The following NCOA6 variants were observed in gnomAD, a reference collection of about 807,000 sequenced individuals.
NCOA6 encodes the protein NRC RAP250.
A neutral mutation model predicts 171.4 loss-of-function variants in NCOA6; 49 were observed. The ratio of observed to expected loss-of-function variants is 0.29; its 90% confidence interval spans 0.23 to 0.36. The LOEUF (loss-of-function observed/expected upper bound fraction) is 0.36. Ranked by LOEUF, NCOA6 falls within the 10% of genes least tolerant of loss-of-function variation. The probability of loss-of-function intolerance (pLI) is 1.00; values close to 1 mark genes in which losing one functional copy is unlikely to be tolerated. For synonymous variants in NCOA6, 910 were observed against 927.5 expected, an observed-to-expected ratio of 0.98 and a Z score of 0.34; for missense variants, 2,248 against 2,554.5, an observed-to-expected ratio of 0.88 and a Z score of 2.59.
intron 12 of NCOA6, among the ~76,000 whole-genome samples, chr20:34,735,769 C>T (rs2075936270): frequency 1.3e-5 from 2 of 152,206 alleles, no homozygotes; most frequent in South Asian, 4.1e-4. Flanking sequence ...ATCAGTCACA[C>T]AGGATGTAGC....
At chr20:34,788,214 C>T (rs1253382316) in intron 2 of NCOA6, among the ~76,000 whole-genome samples, 1 of 151,820 alleles carries the variant, frequency 6.6e-6, no homozygotes, top group Non-Finnish European at 1.5e-5. Flanking sequence ...AGCTCTGTCT[C>T]GCCCAGGCTG....
At chr20:34,727,789 T>TCTCAGCTCACTGCGACCCCTGC (rs1690100459) in intron 13 of NCOA6, among the ~76,000 whole-genome samples, 3 of 151,134 alleles carry the variant, frequency 2.0e-5, no homozygotes. Context: ...AGTGGCGCTG[T>TCTCAGCTCACTGCGACCCCTGC]CTCAGCTCAC....
chr20:34,814,212 G>A (rs2078759827), intron 1 of NCOA6, among the ~76,000 whole-genome samples: 1 of 152,018 alleles, frequency 6.6e-6, no homozygotes, highest in African/African-American at 2.4e-5. Context: ...GGTGGCGCAT[G>A]CCTGTAATCC....
chr20:34,757,788 C>T lies in NCOA6; in HGVS notation c.960G>A (p.Gln320=), dbSNP rs1351714302. 2.5e-6 allele frequency: 4 copies of T among 1,614,048 alleles called. No homozygotes were observed. Among genetic ancestry groups the T allele is most frequent in the Middle Eastern group, 1.6e-4 (1 of 6,078 alleles). ...GAGGTTGAAGGGCTCCAGAAGGCAG[C>T]TGGTTCCAGCCTGGAGGAACAGGCA... The part of the protein sequence containing the change: ...TQVPVPPGWN[Q]LPSGALQPPP... The change falls in exon 7 of 15, where the codon CAG becomes CAA. Residue 320 remains glutamine (Q), a synonymous_variant. Transcript: ENST00000359003.
chr20:34,743,456 C>G, intron 10 of NCOA6, 115 bp from the exon 11 acceptor site: 1 of 1,096,058 alleles, frequency 9.1e-7, no homozygotes. Context: ...GCACAAACAG[C>G]TCAGGCATGC....
At position 34,750,522 on chromosome 20, in the gene NCOA6, TA is replaced by T. The variant is rs560155280; in HGVS notation, c.1676-4del. On this transcript the variant is annotated splice_polypyrimidine_tract_variant and splice_region_variant and intron_variant, in intron 8 of 14. Coordinates refer to ENST00000359003, the MANE Select transcript of NCOA6 (RefSeq NM_014071.5). ...AGGAGGACCAGCTCCTTGACCACCT[TA>T]AAAAAAAAAAAAGTCACAGTTTCAG... 0.086 allele frequency: 90,664 copies of T among 1,048,934 alleles called. 3 individuals are homozygous for T. Among genetic ancestry groups the T allele is most frequent in the South Asian group, 0.14 (7,971 of 57,840 alleles). 65.0% of individuals were successfully genotyped at this position (1,048,934 alleles called of 1,614,324 possible). A position where few individuals can be genotyped will look rare whatever the true frequency, so the allele number is the denominator to read the frequency against.
chr20:34,719,012 T>G (rs1317483442), intron 14 of NCOA6, among the ~76,000 whole-genome samples: 1 of 152,218 alleles, frequency 6.6e-6, no homozygotes, highest in Non-Finnish European at 1.5e-5. Flanking sequence ...TCTAGCAGTG[T>G]AGTCAAATCA....
intron 1 of NCOA6, among the ~76,000 whole-genome samples, chr20:34,804,804 G>A (rs1449786762): frequency 1.3e-5 from 2 of 152,014 alleles, no homozygotes; most frequent in East Asian, 3.9e-4. Flanking sequence ...TAATTAATTA[G>A]CACATCCATC....
chr20:34,748,952 G>T (rs1472273533), intron 9 of NCOA6, among the ~76,000 whole-genome samples: 4 of 152,046 alleles, frequency 2.6e-5, no homozygotes, highest in Non-Finnish European at 1.5e-5. Flanking sequence ...TACTTTTCAG[G>T]CTCTGATTGC....
chr20:34,817,244 C>T (rs1430205636), intron 1 of NCOA6, among the ~76,000 whole-genome samples: 1 of 150,894 alleles, frequency 6.6e-6, no homozygotes, highest in Non-Finnish European at 1.5e-5. Context: ...CTTTTGTTGC[C>T]TTTGTGTGTG....
intron 11 of NCOA6, among the ~76,000 whole-genome samples, chr20:34,739,278 G>C (rs374314135): frequency 3.9e-5 from 6 of 152,178 alleles, no homozygotes; most frequent in Admixed American, 1.3e-4. Flanking sequence ...TCTGTGCTAA[G>C]AATGTTATAT....
intron 14 of NCOA6, among the ~76,000 whole-genome samples, chr20:34,719,247 G>C (rs1313794099): frequency 6.6e-6 from 1 of 152,136 alleles, no homozygotes; most frequent in African/African-American, 2.4e-5. Flanking sequence ...TACCATCCAA[G>C]GAGCTTTAGA....
chr20:34,817,512 C>G (rs1302964438), intron 1 of NCOA6, among the ~76,000 whole-genome samples: 1 of 152,068 alleles, frequency 6.6e-6, no homozygotes, highest in Non-Finnish European at 1.5e-5. Flanking sequence ...TTCCTCCTTC[C>G]ATCAAAGCCA....
At chr20:34,773,713 G>A (rs1410207089) in intron 4 of NCOA6, among the ~76,000 whole-genome samples, 4 of 152,116 alleles carry the variant, frequency 2.6e-5, no homozygotes, top group African/African-American at 7.2e-5. Flanking sequence ...TAGTAGAGAC[G>A]GGGTTTCACC....
chr20:34,741,717 C>T lies in NCOA6; in HGVS notation c.4539G>A (p.Leu1513=). 2.5e-6 allele frequency: 4 copies of T among 1,614,158 alleles called. No homozygotes were observed. Among genetic ancestry groups the T allele is most frequent in the Admixed American group, 3.3e-5 (2 of 60,018 alleles). The change falls in exon 11 of 15, where the codon CTG becomes CTA. Residue 1513 remains leucine, a synonymous_variant. Transcript: ENST00000359003. ...VTIKPPGLTD[L]EVTPPVVSGE... is the part of the protein sequence containing the mutation. Reference sequence around the variant, plus strand: ...CAGAAACTACTGGAGGTGTTACTTCCAGATCTGTAAGCCCAGGGGGTTTAA... The same window carrying T: ...CAGAAACTACTGGAGGTGTTACTTCTAGATCTGTAAGCCCAGGGGGTTTAA...
chr20:34,758,966 A>C, intron 5 of NCOA6, 33 bp from the exon 6 acceptor site: 2 of 1,600,302 alleles, frequency 1.2e-6, no homozygotes, highest in Non-Finnish European at 1.7e-6. Context: ...AGAGTACTGG[A>C]ATTGGCACAA....
chr20:34,763,500 TA>T (rs1294932963), intron 5 of NCOA6, among the ~76,000 whole-genome samples: 2 of 152,310 alleles, frequency 1.3e-5, no homozygotes, highest in Non-Finnish European at 2.9e-5. Context: ...TCCTATTACC[TA>T]AAATTTTAGA....
rs193265648 is a variant in NCOA6 at position 34,824,382 on chromosome 20, A to T, written c.-164+1090T>A. ...ACCTTTCTATGTTTCAGCTAAAATC[A>T]CTACCTGATTTGAAATCTTTACTTG... On this transcript the variant is annotated intron_variant, in intron 1 of 14. Coordinates refer to ENST00000359003, the MANE Select transcript of NCOA6 (RefSeq NM_014071.5). 2.3e-3 allele frequency among the ~76,000 whole-genome samples: 348 copies of T among 152,346 alleles called. 2 individuals carry two copies. Among genetic ancestry groups the T allele is most frequent in the Middle Eastern group, 0.014 (4 of 294 alleles).
At position 34,741,850 on chromosome 20, in the gene NCOA6, T is replaced by A; in HGVS notation, c.4406A>T (p.Lys1469Ile). The change falls in exon 11 of 15, where the codon AAA (lysine) becomes ATA (isoleucine). Residue 1469 changes from lysine to isoleucine, a missense_variant. Transcript: ENST00000359003. ...KKDGQPSDPN[K>I]LPSVEENKNL... ...TTTGTTCTCTTCGACACTGGGAAGT[T>A]TGTTAGGATCCGAAGGCTGCCCATC... The A allele has an allele frequency of 6.2e-7, 1 of 1,614,192 alleles. No individual in the cohort carries two copies. Among genetic ancestry groups the A allele is most frequent in the Middle Eastern group, 1.6e-4 (1 of 6,062 alleles).
Sources: gnomAD v4.1 joint callset for allele counts (sites outside exome capture counted in the v4.1 genomes callset) on GRCh38, gnomAD v4.1.1 for gene constraint, MANE v1.5 for transcripts, NCBI Gene and HGNC (gene_info 2026-07-23, HGNC 2026-07-21) for gene names.